The following SYT1 variants were observed in gnomAD, a reference collection of about 807,000 sequenced individuals.
SYT1 encodes the protein synaptotagmin-1.
A neutral mutation model predicts 44.8 loss-of-function variants in SYT1; 8 were observed. The ratio of observed to expected loss-of-function variants is 0.18; its 90% CI spans 0.10 to 0.32. The LOEUF (loss-of-function observed/expected upper bound fraction) is 0.32. SYT1 is among the 10% of genes least tolerant of loss of function. SYT1 has a pLI of 1.00. For synonymous variants in SYT1, 154 were observed against 188.8 expected (o/e 0.82, Z 1.51); for missense variants, 286 against 509.3 (o/e 0.56, Z 4.22).
chr12:79,157,069 T>C (rs1179585381), intron 3 of SYT1, among the ~76,000 whole-genome samples: 2 of 152,054 alleles, frequency 1.3e-5, no homozygotes, highest in Non-Finnish European at 2.9e-5. Flanking sequence ...GAGGAACTTG[T>C]AGAGTTCAAG....
intron 8 of SYT1, among the ~76,000 whole-genome samples, chr12:79,309,033 G>T (rs1293015441): frequency 6.6e-6 from 1 of 152,164 alleles, no homozygotes; most frequent in African/African-American, 2.4e-5. Flanking sequence ...AGTGAAAAAG[G>T]CCGGTGAAAC....
rs571888877 is a variant in SYT1, at chr12:79,239,414, G to C, written c.166+21729G>C. 1.4e-4 allele frequency among the ~76,000 whole-genome samples: 22 copies of C among 152,298 alleles called. No individual in the cohort carries two copies. The South Asian group carries it at 3.5e-3, about 24-fold the overall frequency. On this transcript the variant is annotated intron_variant, in intron 4 of 10. Transcript: ENST00000261205. ...CAACTAAATGTAATGTGGTGTCCTG[G>C]AACAGAAAAACTCAGAAAATCTGAA...
chr12:79,017,214 C>T (rs760805314), intron 2 of SYT1, among the ~76,000 whole-genome samples: 1 of 152,046 alleles, frequency 6.6e-6, no homozygotes, highest in Admixed American at 6.6e-5. Flanking sequence ...GATCAGGAGA[C>T]AAGAATATTA....
intron 1 of SYT1, among the ~76,000 whole-genome samples, chr12:78,951,943 T>G (rs546231970): frequency 1.3e-5 from 2 of 152,226 alleles, no homozygotes; most frequent in Admixed American, 6.6e-5. Flanking sequence ...CGAAGGAGAC[T>G]CCACTAATTA....
At chr12:79,350,773 C>A (rs180877251) in intron 8 of SYT1, among the ~76,000 whole-genome samples, 2 of 152,222 alleles carry the variant, frequency 1.3e-5, no homozygotes, top group African/African-American at 4.8e-5. Flanking sequence ...TATACTTAAA[C>A]CTCCAAAAAT....
At chr12:79,068,319 T>G (rs1876018160) in intron 3 of SYT1, among the ~76,000 whole-genome samples, 1 of 152,142 alleles carries the variant, frequency 6.6e-6, no homozygotes, top group East Asian at 1.9e-4. Context: ...TAGGTCATAA[T>G]TATTCAGAAG....
Position 78,865,649 on chromosome 12 carries a change from G to A in SYT1, c.-217+540G>A, listed in dbSNP as rs570734058. On this transcript the variant is annotated intron_variant, in intron 1 of 10. Transcript: ENST00000261205. ...AAAGCAATTAAACTGAATAAGGGGA[G>A]TAGACAACCAGTCCAGCTTGGGCTG... 3.9e-5 allele frequency among the ~76,000 whole-genome samples: 6 copies of A among 152,032 alleles called. No individual in the cohort carries two copies. The South Asian group carries it at 1.2e-3, about 32-fold the overall frequency.
chr12:79,330,056 A>G (rs1201231190), intron 8 of SYT1, among the ~76,000 whole-genome samples: 4 of 152,216 alleles, frequency 2.6e-5, no homozygotes, highest in African/African-American at 9.6e-5. Flanking sequence ...ACTGTAATAC[A>G]TCTCCTCTTA....
rs904792060 is a variant in SYT1, at chr12:79,272,516, G to A, written c.167-13271G>A. 2.0e-5 allele frequency among the ~76,000 whole-genome samples: 3 copies of A among 152,204 alleles called. No homozygotes were observed. The South Asian group carries it at 6.2e-4, about 32-fold the overall frequency. On this transcript the variant is annotated intron_variant, in intron 4 of 10. Transcript: ENST00000261205. ...ATGTATTTCCCCATTTTTCCAATGG[G>A]GTAGGAAACGACAGAAGCACCGACA...
intron 8 of SYT1, among the ~76,000 whole-genome samples, chr12:79,333,618 ATG>A (rs1565912884): frequency 1.3e-5 from 2 of 152,156 alleles, no homozygotes; most frequent in African/African-American, 4.8e-5. Flanking sequence ...CAGCCACTCA[ATG>A]TCTTTAAAAA....
intron 9 of SYT1, among the ~76,000 whole-genome samples, chr12:79,386,303 T>A (rs1283354160): frequency 1.0e-5 from 1 of 98,612 alleles, no homozygotes; most frequent in Non-Finnish European, 2.8e-5. Flanking sequence ...CCCAAATACA[T>A]TTTTGGGTTT....
chr12:78,951,500 A>G (rs1878966956), intron 1 of SYT1, among the ~76,000 whole-genome samples: 1 of 152,286 alleles, frequency 6.6e-6, no homozygotes, highest in Admixed American at 6.5e-5. Flanking sequence ...TACAGAAGAC[A>G]TATGAACACC....
intron 3 of SYT1, among the ~76,000 whole-genome samples, chr12:79,160,567 A>G (rs530962409): frequency 2.6e-5 from 4 of 152,100 alleles, no homozygotes; most frequent in Non-Finnish European, 4.4e-5. Context: ...TGAGAGAAAA[A>G]TGGTCCCAAT....
chr12:79,383,527 G>T (rs1396986306), intron 9 of SYT1, among the ~76,000 whole-genome samples: 4 of 149,350 alleles, frequency 2.7e-5, no homozygotes, highest in Non-Finnish European at 4.5e-5. Context: ...TAAAAAGTGG[G>T]TTTTTTTCCT....
chr12:79,407,686 A>T (rs1000293702), intron 9 of SYT1, among the ~76,000 whole-genome samples: 3 of 152,122 alleles, frequency 2.0e-5, no homozygotes, highest in African/African-American at 7.2e-5. Flanking sequence ...TGTGACTCTG[A>T]GATACATCAA....
chr12:78,955,347 G>A (rs889985280), intron 1 of SYT1: 13 of 152,078 alleles, frequency 8.5e-5, no homozygotes, highest in African/African-American at 2.9e-4. Flanking sequence ...TCAGGGAAAA[G>A]CATATGCTTA....
intron 1 of SYT1, among the ~76,000 whole-genome samples, chr12:78,965,994 T>C (rs1281481121): frequency 1.3e-5 from 2 of 151,670 alleles, no homozygotes; most frequent in African/African-American, 4.9e-5. Context: ...GGAGAATCGC[T>C]TGAACCCGGG....
chr12:78,938,888 T>C (rs960790042), intron 1 of SYT1, among the ~76,000 whole-genome samples: 1 of 152,150 alleles, frequency 6.6e-6, no homozygotes, highest in Non-Finnish European at 1.5e-5. Context: ...TTGACAGAAA[T>C]CAGAGACACT....
intron 8 of SYT1, among the ~76,000 whole-genome samples, chr12:79,308,629 AAAGAAAG>A (rs1880590058): frequency 1.5e-3 from 104 of 69,844 alleles, no homozygotes; most frequent in Admixed American, 3.5e-3. Context: ...AGAAAGAAAG[AAAGAAAG>A]AAAGAAAGAA....
Sources: allele counts gnomAD v4.1 joint callset (sites outside exome capture counted in the v4.1 genomes callset), GRCh38; gene constraint gnomAD v4.1.1; transcripts MANE v1.5; gene names NCBI Gene and HGNC (gene_info 2026-07-23, HGNC 2026-07-21).